The following MNAT1 variants were observed in gnomAD, a reference collection of about 807,000 sequenced individuals.
The protein encoded by MNAT1 is CDK-activating kinase assembly factor MAT1.
A neutral mutation model predicts 42.0 loss-of-function variants in MNAT1; 43 were observed. The ratio of observed to expected loss-of-function variants is 1.02; its 90% CI spans 0.80 to 1.32. The LOEUF is 1.32. Ranked by LOEUF, MNAT1 falls within the 40% of genes most tolerant of loss-of-function variation. MNAT1 has a pLI of 0.00. For synonymous variants in MNAT1, 118 were observed against 120.0 expected, an observed-to-expected ratio of 0.98 and a Z score of 0.11; for missense variants, 306 against 350.4, an observed-to-expected ratio of 0.87 and a Z score of 1.01.
intron 1 of MNAT1, among the ~76,000 whole-genome samples, chr14:60,769,321 A>G (rs1332131002): frequency 6.6e-6 from 1 of 151,988 alleles, no homozygotes; most frequent in African/African-American, 2.4e-5. Context: ...TACCCAGGGT[A>G]GAGTGCAGTG....
intron 7 of MNAT1, among the ~76,000 whole-genome samples, chr14:60,942,905 T>C (rs1464738438): frequency 2.6e-5 from 4 of 152,098 alleles, no homozygotes; most frequent in Non-Finnish European, 5.9e-5. Flanking sequence ...CATAATTCAC[T>C]TAATTTACAG....
intron 1 of MNAT1, among the ~76,000 whole-genome samples, chr14:60,780,821 C>T (rs2031432360): frequency 6.6e-6 from 1 of 151,698 alleles, no homozygotes; most frequent in East Asian, 1.9e-4. Context: ...CAAAAGGAAC[C>T]AGGAGGTTTT....
chr14:60,788,860 A>G (rs1397111089), intron 1 of MNAT1, among the ~76,000 whole-genome samples: 2 of 152,170 alleles, frequency 1.3e-5, no homozygotes, highest in African/African-American at 4.8e-5. Flanking sequence ...GGCTGGTTTG[A>G]TCTTTTATCC....
chr14:60,817,523 C>A (rs1042561879), intron 5 of MNAT1, among the ~76,000 whole-genome samples: 6 of 151,896 alleles, frequency 4.0e-5, no homozygotes, highest in African/African-American at 1.4e-4. Flanking sequence ...ATTATAAAAT[C>A]TTGATGTGCA....
chr14:60,898,142 C>T (rs61992992), intron 7 of MNAT1, among the ~76,000 whole-genome samples: 371 of 6,746 alleles, frequency 0.055, 5 homozygotes, highest in Admixed American at 0.13. Flanking sequence ...TGTGTGTGTG[C>T]GCGCGCCACA....
intron 7 of MNAT1, among the ~76,000 whole-genome samples, chr14:60,909,644 C>T (rs1471900212): frequency 6.6e-6 from 1 of 151,800 alleles, no homozygotes; most frequent in African/African-American, 2.4e-5. Context: ...AGATATGTGG[C>T]ATTATTTCTG....
intron 7 of MNAT1, among the ~76,000 whole-genome samples, chr14:60,917,287 A>C (rs1566556287): frequency 1.5e-5 from 1 of 68,672 alleles, no homozygotes; most frequent in Admixed American, 1.8e-4. Flanking sequence ...TTCAGTTTCT[A>C]ACCCTCATTT....
intron 5 of MNAT1, among the ~76,000 whole-genome samples, chr14:60,814,568 G>A (rs1189931491): frequency 6.6e-6 from 1 of 152,010 alleles, no homozygotes; most frequent in African/African-American, 2.4e-5. Flanking sequence ...GGGAAAATAT[G>A]TATATATGTG....
chr14:60,893,046 A>G (rs1316610248), intron 7 of MNAT1, among the ~76,000 whole-genome samples: 2 of 152,156 alleles, frequency 1.3e-5, no homozygotes, highest in Admixed American at 1.3e-4. Flanking sequence ...TTTTTAAAAA[A>G]GATATTAGTC....
intron 1 of MNAT1, among the ~76,000 whole-genome samples, chr14:60,755,449 T>C (rs920513080): frequency 6.6e-6 from 1 of 152,150 alleles, no homozygotes; most frequent in Admixed American, 6.5e-5. Flanking sequence ...GCCTAATTTT[T>C]TATTTTTTGT....
chr14:60,913,281 T>C (rs2035426763), intron 7 of MNAT1, among the ~76,000 whole-genome samples: 1 of 152,222 alleles, frequency 6.6e-6, no homozygotes, highest in Admixed American at 6.5e-5. Flanking sequence ...AACTTCCTCC[T>C]TTAGCTCGGA....
At chr14:60,950,688 A>G (rs1230747997) in intron 7 of MNAT1, among the ~76,000 whole-genome samples, 1 of 152,174 alleles carries the variant, frequency 6.6e-6, no homozygotes, top group African/African-American at 2.4e-5. Context: ...GGCCCAGGGA[A>G]GCCAAAAGAT....
chr14:60,961,662 G>A (rs1036550533), intron 7 of MNAT1, among the ~76,000 whole-genome samples: 1 of 152,006 alleles, frequency 6.6e-6, no homozygotes, highest in Non-Finnish European at 1.5e-5. Context: ...GGATTATACG[G>A]TCAATGAGAT....
intron 1 of MNAT1, among the ~76,000 whole-genome samples, chr14:60,793,530 T>A (rs1288653096): frequency 6.6e-6 from 1 of 151,870 alleles, no homozygotes; most frequent in East Asian, 1.9e-4. Context: ...ATCTAGCTAA[T>A]TTTTTTTAAA....
chr14:60,914,158 G>A (rs1345595771), intron 7 of MNAT1, among the ~76,000 whole-genome samples: 1 of 152,236 alleles, frequency 6.6e-6, no homozygotes, highest in African/African-American at 2.4e-5. Context: ...TGTGCCGTTT[G>A]TTAAGCCTGT....
At chr14:60,799,447 G>C in intron 3 of MNAT1, 2 of 966,332 alleles carry the variant, frequency 2.1e-6, no homozygotes, top group Non-Finnish European at 2.5e-6. Flanking sequence ...CTGTTGGATA[G>C]CAATTGGGAA....
intron 7 of MNAT1, among the ~76,000 whole-genome samples, chr14:60,883,350 A>G (rs1014949028): frequency 1.3e-5 from 2 of 152,034 alleles, no homozygotes; most frequent in Admixed American, 6.6e-5. Context: ...TCCCAAATGT[A>G]TGGTCTTGGC....
At chr14:60,829,680 G>A (rs556958911) in intron 6 of MNAT1, among the ~76,000 whole-genome samples, 95 of 152,172 alleles carry the variant, frequency 6.2e-4, no homozygotes, top group Non-Finnish European at 1.2e-3. Context: ...AGTATTCTAT[G>A]AGTGGTGGGA....
intron 6 of MNAT1, among the ~76,000 whole-genome samples, chr14:60,862,919 A>G (rs1299621520): frequency 6.6e-6 from 1 of 152,134 alleles, no homozygotes; most frequent in Non-Finnish European, 1.5e-5. Context: ...TGGTGGTAGA[A>G]CAAAGTGTGC....
Sources: allele counts gnomAD v4.1 joint callset (sites outside exome capture counted in the v4.1 genomes callset), GRCh38; gene constraint gnomAD v4.1.1; transcripts MANE v1.5; gene names NCBI Gene and HGNC (gene_info 2026-07-23, HGNC 2026-07-21).